Variants in ANKMY2 observed in about 807,000 individuals in gnomAD.
ANKMY2 encodes ankyrin repeat and MYND domain-containing protein 2.
A neutral mutation model predicts 50.4 loss-of-function variants in ANKMY2; 36 were observed. The ratio of observed to expected loss-of-function variants is 0.71; its 90% CI spans 0.55 to 0.94. ANKMY2 has a LOEUF of 0.94. ANKMY2 is among the 40% of genes least tolerant of loss of function. The pLI is 0.00. For synonymous variants in ANKMY2, 187 were observed against 178.8 expected (o/e 1.05, Z -0.36); for missense variants, 565 against 524.0 (o/e 1.08, Z -0.76).
chr7:16,621,861 T>A (rs1251213175), intron 4 of ANKMY2, among the ~76,000 whole-genome samples: 1 of 151,816 alleles, frequency 6.6e-6, no homozygotes, highest in South Asian at 2.1e-4. Flanking sequence ...CCCAGCTACA[T>A]GGGAGGCTGA....
intron 4 of ANKMY2, 103 bp downstream of exon 4, chr7:16,624,879 TA>T: frequency 2.1e-6 from 2 of 962,296 alleles, no homozygotes; most frequent in Non-Finnish European, 3.2e-6. Flanking sequence ...TAAGTTTTTT[TA>T]AAGCAACATG....
At chr7:16,632,077 T>A (rs1386260712) in intron 2 of ANKMY2, among the ~76,000 whole-genome samples, 2 of 149,146 alleles carry the variant, frequency 1.3e-5, no homozygotes, top group African/African-American at 2.5e-5. Context: ...CTCTTTCTCC[T>A]TTCTTTCCCC....
chr7:16,641,095 G>A (rs915163050), intron 1 of ANKMY2, among the ~76,000 whole-genome samples: 5 of 152,006 alleles, frequency 3.3e-5, no homozygotes, highest in African/African-American at 7.2e-5. Context: ...TTAGCCGGGC[G>A]CGGTGGTGCA....
At chr7:16,641,670 C>A (rs1031474585) in intron 1 of ANKMY2, among the ~76,000 whole-genome samples, 1 of 151,920 alleles carries the variant, frequency 6.6e-6, no homozygotes, top group Non-Finnish European at 1.5e-5. Flanking sequence ...GGAATGGATG[C>A]ACAAATAGTA....
Position 16,625,024 on chromosome 7 carries a change from T to C in ANKMY2, c.329A>G (p.Asn110Ser). The change falls in exon 4 of 10, where the codon AAC (asparagine) becomes AGC (serine). Residue 110 changes from asparagine (N) to serine (S), a missense_variant. Asn to Ser is a conservative substitution (Grantham distance 46, BLOSUM62 1). Coordinates refer to ENST00000306999, the MANE Select transcript of ANKMY2 (RefSeq NM_020319.3). ...LEAGAETDVV[N>S]SVGRTAAQMA... ...CTGAGCTGCTGTTCTTCCCACAGAG[T>C]TGACAACATCTGTCTCAGCACCAGC... 6.2e-7 allele frequency: 1 copy of C among 1,613,994 alleles called. No individual in the cohort carries two copies. Among genetic ancestry groups the C allele is most frequent in the Non-Finnish European group, 8.5e-7 (1 of 1,179,962 alleles).
chr7:16,626,927 A>G, intron 3 of ANKMY2, 113 bp downstream of exon 3: 2 of 920,074 alleles, frequency 2.2e-6, no homozygotes, highest in South Asian at 3.7e-5. Flanking sequence ...ATTCCTTTCC[A>G]TAAAACTTGA....
At chr7:16,605,147 G>A (rs377548272) in intron 7 of ANKMY2, among the ~76,000 whole-genome samples, 14 of 152,268 alleles carry the variant, frequency 9.2e-5, no homozygotes, top group Admixed American at 2.6e-4. Context: ...AGCCCATAGC[G>A]TTTCAGATTT....
intron 2 of ANKMY2, among the ~76,000 whole-genome samples, chr7:16,630,630 T>C (rs955207735): frequency 1.3e-5 from 2 of 152,194 alleles, no homozygotes; most frequent in Non-Finnish European, 2.9e-5. Flanking sequence ...ATCTATACAT[T>C]GGAGGTAGCA....
At chr7:16,636,496 C>A (rs1204742866) in intron 1 of ANKMY2, 41 bp from the exon 2 acceptor site, 2 of 1,462,132 alleles carry the variant, frequency 1.4e-6, no homozygotes, top group Non-Finnish European at 9.3e-7. Flanking sequence ...TTATTCGTCA[C>A]TAGAATAAGA....
chr7:16,634,766 C>A (rs1211836882), intron 2 of ANKMY2, among the ~76,000 whole-genome samples: 1 of 151,986 alleles, frequency 6.6e-6, no homozygotes, highest in Admixed American at 6.6e-5. Context: ...TAGTTCAACA[C>A]CAGGAAAAAA....
chr7:16,623,878 G>A (rs1374079688), intron 4 of ANKMY2, among the ~76,000 whole-genome samples: 5 of 152,084 alleles, frequency 3.3e-5, no homozygotes, highest in South Asian at 4.1e-4. Flanking sequence ...TGAGTGTCTG[G>A]CTTAATCAAT....
chr7:16,623,889 G>A (rs2286222), intron 4 of ANKMY2, among the ~76,000 whole-genome samples: 45,566 of 151,788 alleles, frequency 0.3, 8,256 homozygotes, highest in Non-Finnish European at 0.39. Context: ...CTTAATCAAT[G>A]GCAGCTTCTA....
chr7:16,643,460 C>T (rs1030599384), intron 1 of ANKMY2, among the ~76,000 whole-genome samples: 1 of 152,164 alleles, frequency 6.6e-6, no homozygotes, highest in Non-Finnish European at 1.5e-5. Flanking sequence ...GACAAGAATG[C>T]ATCACATACT....
In ANKMY2 at chr7:16,625,041, A is replaced by C; in HGVS notation, c.312T>G (p.Ala104=). The C allele has an allele frequency of 1.9e-6, 3 of 1,614,134 alleles. No individual in the cohort carries two copies. The highest frequency in any genetic ancestry group is 1.3e-5 in the African/African-American group (1 of 75,048). ...CCACAGAGTTGACAACATCTGTCTC[A>C]GCACCAGCTTCTAACATTACCCATG... ...DITWVMLEAG[A]ETDVVNSVGR... The change falls in exon 4 of 10, where the codon GCT becomes GCG. Residue 104 remains alanine, a synonymous_variant. Transcript: ENST00000306999.
intron 3 of ANKMY2, among the ~76,000 whole-genome samples, chr7:16,626,753 T>C (rs532157666): frequency 9.2e-5 from 14 of 152,174 alleles, no homozygotes; most frequent in Middle Eastern, 3.4e-3. Flanking sequence ...ATATAGAACA[T>C]CAAAGGAGGT....
chr7:16,627,953 C>T (rs56356397), intron 2 of ANKMY2, among the ~76,000 whole-genome samples: 23,676 of 146,892 alleles, frequency 0.16, 2,403 homozygotes, highest in Middle Eastern at 0.23. Flanking sequence ...ATATTTTGAT[C>T]ATACATATGA....
chr7:16,634,896 T>C (rs1330657493), intron 2 of ANKMY2, among the ~76,000 whole-genome samples: 1 of 151,998 alleles, frequency 6.6e-6, no homozygotes, highest in Admixed American at 6.5e-5. Context: ...GGAGTATTTA[T>C]CAAAATACAG....
At chr7:16,644,514 G>A (rs917196384) in intron 1 of ANKMY2, 1 of 323,850 alleles carries the variant, frequency 3.1e-6, no homozygotes, top group African/African-American at 2.3e-5. Context: ...AAATAAAACT[G>A]GAAACTGGGA....
At chr7:16,642,520 A>C (rs528121923) in intron 1 of ANKMY2, among the ~76,000 whole-genome samples, 135 of 152,320 alleles carry the variant, frequency 8.9e-4, no homozygotes, top group African/African-American at 3.1e-3. Flanking sequence ...GATGGGAATC[A>C]CTTAAATATT....
Sources: allele counts gnomAD v4.1 joint callset (sites outside exome capture counted in the v4.1 genomes callset), GRCh38; gene constraint gnomAD v4.1.1; transcripts MANE v1.5; gene names NCBI Gene and HGNC (gene_info 2026-07-23, HGNC 2026-07-21).